The following TNRC6C variants were observed in gnomAD, a reference collection of about 807,000 sequenced individuals.
TNRC6C encodes the protein trinucleotide repeat containing adaptor 6C.
In TNRC6C, 20 loss-of-function variants were observed where a neutral mutation model predicts 153.7. The observed-to-expected ratio is 0.13, with a 90% CI of 0.09 to 0.19. The LOEUF (loss-of-function observed/expected upper bound fraction) is 0.19, where lower values mean the gene tolerates loss of function less well. Among genes scored for constraint, TNRC6C ranks in the 10% least tolerant of loss-of-function variants. TNRC6C has a pLI of 1.00. For synonymous variants in TNRC6C, 811 were observed against 841.4 expected, an observed-to-expected ratio of 0.96 and a Z score of 0.63; for missense variants, 1,987 against 2,172.0, an observed-to-expected ratio of 0.91 and a Z score of 1.69.
rs996113850 is a variant in TNRC6C at position 78,049,722 on chromosome 17, C to T, written c.660C>T (p.Pro220=). The change falls in exon 3 of 20, where the codon CCC becomes CCT. Residue 220 remains proline (P), a synonymous_variant. Transcript: ENST00000301624. The surrounding 1 kb of genome is among the most constrained non-coding windows in gnomAD (Gnocchi z 4.1). ...TTGGTATGGGGGCCATCATCCCGCC[C>T]CACCTGCAAGGCCTTCCTGGTGCTA... 4 of 1,597,182 alleles carry T rather than the reference C, an allele frequency of 2.5e-6. No individual in the cohort carries two copies. Among genetic ancestry groups the T allele is most frequent in the Non-Finnish European group, 3.4e-6 (4 of 1,170,042 alleles).
chr17:78,052,793 G>T (rs893813791), intron 3 of TNRC6C, among the ~76,000 whole-genome samples: 7 of 152,106 alleles, frequency 4.6e-5, no homozygotes, highest in Non-Finnish European at 7.4e-5. Flanking sequence ...GCCACATCAG[G>T]AATCCTTTAT....
At chr17:78,051,497 A>AC in intron 3 of TNRC6C, 49 bp downstream of exon 5, 1 of 1,331,390 alleles carries the variant, frequency 7.5e-7, no homozygotes, top group Non-Finnish European at 9.8e-7. Flanking sequence ...AAAAAAAAAA[A>AC]AGCTTATTCT....
intron 1 of TNRC6C, among the ~76,000 whole-genome samples, chr17:78,011,157 C>G (rs1226710255): frequency 1.3e-5 from 2 of 152,126 alleles, no homozygotes; most frequent in African/African-American, 2.4e-5. Flanking sequence ...TTTACCCAGA[C>G]CAGTTTCTTT....
chr17:78,010,602 A>G (rs1295189564), intron 1 of TNRC6C, among the ~76,000 whole-genome samples: 15 of 152,220 alleles, frequency 9.9e-5, no homozygotes. Flanking sequence ...GAAGGAACTT[A>G]GACACTTAGG....
intron 1 of TNRC6C, among the ~76,000 whole-genome samples, chr17:77,963,468 C>A (rs896805713): frequency 2.0e-5 from 3 of 152,132 alleles, no homozygotes; most frequent in Non-Finnish European, 4.4e-5. Context: ...TCGTTTGTTC[C>A]ATTTTTGGAG....
intron 6 of TNRC6C, among the ~76,000 whole-genome samples, chr17:78,072,182 G>C (rs1345081899): frequency 6.6e-6 from 1 of 152,218 alleles, no homozygotes; most frequent in Non-Finnish European, 1.5e-5. Flanking sequence ...GGTGGCCCAG[G>C]CTCTGCCTGT....
chr17:78,044,095 T>C (rs1486142376), intron 2 of TNRC6C, among the ~76,000 whole-genome samples: 1 of 152,180 alleles, frequency 6.6e-6, no homozygotes, highest in Admixed American at 6.5e-5. Flanking sequence ...GTATAACTTA[T>C]TATCAAACCC....
chr17:77,963,994 A>C (rs900811769), intron 1 of TNRC6C, among the ~76,000 whole-genome samples: 1 of 152,162 alleles, frequency 6.6e-6, no homozygotes, highest in African/African-American at 2.4e-5. Context: ...TTTCTGTTGG[A>C]GAACCACTGC....
intron 3 of TNRC6C, among the ~76,000 whole-genome samples, chr17:78,052,389 A>G (rs1469361071): frequency 6.6e-6 from 1 of 152,216 alleles, no homozygotes; most frequent in African/African-American, 2.4e-5. Context: ...CCTGCCATGT[A>G]CTAGGCTGTA....
chr17:78,085,388 C>G (rs2073261888), intron 11 of TNRC6C, among the ~76,000 whole-genome samples: 2 of 152,062 alleles, frequency 1.3e-5, no homozygotes, highest in Admixed American at 6.6e-5. Flanking sequence ...AAGTTTTAGG[C>G]CTATAAGGAT....
At chr17:78,027,251 G>T (rs972204223) in intron 1 of TNRC6C, among the ~76,000 whole-genome samples, 1 of 152,178 alleles carries the variant, frequency 6.6e-6, no homozygotes, top group Admixed American at 6.5e-5. Flanking sequence ...GGTTTGGCAG[G>T]AGGAGAGGAG....
chr17:78,102,592 C>G, intron 18 of TNRC6C, 48 bp downstream of exon 21: 2 of 1,545,382 alleles, frequency 1.3e-6, no homozygotes, highest in Non-Finnish European at 8.8e-7. Flanking sequence ...AGGGAGGGTT[C>G]CCGCTTGGCC....
intron 1 of TNRC6C, among the ~76,000 whole-genome samples, chr17:77,961,649 CAT>C (rs996463411): frequency 3.9e-5 from 6 of 152,108 alleles, no homozygotes; most frequent in African/African-American, 1.4e-4. Context: ...TTTCGAGTAG[CAT>C]ATGTCTTAAC....
chr17:78,024,574 C>T (rs1175684427), intron 1 of TNRC6C, among the ~76,000 whole-genome samples: 3 of 151,896 alleles, frequency 2.0e-5, no homozygotes, highest in Admixed American at 6.6e-5. Flanking sequence ...ACCATGTTAG[C>T]CAGGATGGTC....
intron 2 of TNRC6C, among the ~76,000 whole-genome samples, chr17:78,042,485 A>G (rs143169840): frequency 3.9e-5 from 6 of 152,324 alleles, no homozygotes; most frequent in Non-Finnish European, 8.8e-5. Context: ...GAAATGGTAT[A>G]AAGTATGTGA....
chr17:78,077,605 A>G (rs2073106868), intron 9 of TNRC6C: 2 of 499,708 alleles, frequency 4.0e-6, no homozygotes, highest in Non-Finnish European at 7.2e-6. Flanking sequence ...GGACTGGCTA[A>G]AGTGATGATG....
intron 3 of TNRC6C, among the ~76,000 whole-genome samples, chr17:78,060,032 A>G (rs956185648): frequency 6.6e-6 from 1 of 152,136 alleles, no homozygotes; most frequent in African/African-American, 2.4e-5. Flanking sequence ...TTCTAAGGGA[A>G]GTTACTGTGC....
intron 1 of TNRC6C, among the ~76,000 whole-genome samples, chr17:78,028,171 AG>A (rs1180563334): frequency 6.6e-6 from 1 of 152,184 alleles, no homozygotes; most frequent in African/African-American, 2.4e-5. Flanking sequence ...CTGGGATTAC[AG>A]GCGTGAGCCA....
At chr17:77,995,207 G>A (rs1254779117) in intron 1 of TNRC6C, among the ~76,000 whole-genome samples, 2 of 152,236 alleles carry the variant, frequency 1.3e-5, no homozygotes, top group Non-Finnish European at 2.9e-5. Flanking sequence ...ATGGCTCACG[G>A]GGTGGCAGAG....
Sources: allele counts gnomAD v4.1 joint callset (sites outside exome capture counted in the v4.1 genomes callset), GRCh38; gene constraint gnomAD v4.1.1; non-coding constraint Gnocchi (gnomAD v3.1); transcripts MANE v1.5; gene names NCBI Gene and HGNC (gene_info 2026-07-23, HGNC 2026-07-21).